The following FALEC variants were observed in gnomAD, a reference collection of about 807,000 sequenced individuals.
FALEC encodes the protein focally amplified lncRNA regulator of ECM1, also known as focally amplified lncRNA on chromosome 1.
At chr1:150,527,005 G>C in the FALEC span, among the ~76,000 whole-genome samples, 2 of 149,634 alleles carry the variant, frequency 1.3e-5, no homozygotes, top group African/African-American at 4.9e-5. Flanking sequence ...GTGCGATCTC[G>C]GCTTACTGCA....
chr1:150,533,431 T>C, the FALEC span, among the ~76,000 whole-genome samples: 2 of 85,412 alleles, frequency 2.3e-5, no homozygotes, highest in Non-Finnish European at 2.4e-5. Context: ...GAACCAGAGC[T>C]TTTTTTTTTT....
the FALEC span, among the ~76,000 whole-genome samples, chr1:150,528,070 C>T: frequency 6.6e-6 from 1 of 152,036 alleles, no homozygotes; most frequent in Admixed American, 6.6e-5. Flanking sequence ...TCTTCCTCTT[C>T]GCCTATCCGG....
At chr1:150,518,074 G>C (rs1025776839), downstream of FALEC, 1 of 152,160 alleles carries the variant, frequency 6.6e-6, no homozygotes, top group Non-Finnish European at 1.5e-5. Flanking sequence ...AATTCTTCTA[G>C]GTATATGGAA....
chr1:150,518,014 A>C (rs1398155667), exon 2 of FALEC: 2 of 152,222 alleles, frequency 1.3e-5, no homozygotes, highest in African/African-American at 4.8e-5. Context: ...AGCCTATTAC[A>C]CAGGACACTT....
chr1:150,529,104 A>G, the FALEC span, among the ~76,000 whole-genome samples: 1 of 151,528 alleles, frequency 6.6e-6, no homozygotes, highest in African/African-American at 2.4e-5. Context: ...GTGAATTGAA[A>G]TATGTGCAGC....
chr1:150,528,866 C>T, the FALEC span, among the ~76,000 whole-genome samples: 1 of 151,726 alleles, frequency 6.6e-6, no homozygotes, highest in East Asian at 1.9e-4. Context: ...GGATTACAGG[C>T]GTGAGCCACT....
chr1:150,521,483 GTGATA>G (rs1424903662), downstream of FALEC, among the ~76,000 whole-genome samples: 5 of 152,210 alleles, frequency 3.3e-5, no homozygotes, highest in Admixed American at 6.5e-5. Flanking sequence ...TAAACACCTT[GTGATA>G]TGTCAATTGA....
chr1:150,521,698 T>C (rs754069367), downstream of FALEC, among the ~76,000 whole-genome samples: 4 of 152,238 alleles, frequency 2.6e-5, no homozygotes, highest in Non-Finnish European at 5.9e-5. Context: ...AAGACTGTTA[T>C]GACCCCTCTG....
the FALEC span, among the ~76,000 whole-genome samples, chr1:150,529,016 C>CAAAAAAAAACAAAAAAAAAAAA: frequency 1.7e-5 from 1 of 59,292 alleles, no homozygotes; most frequent in African/African-American, 7.7e-5. Flanking sequence ...AAATAAATAG[C>CAAAAAAAAACAAAAAAAAAAAA]AAAAAAAAAA....
chr1:150,533,627 A>G, the FALEC span, among the ~76,000 whole-genome samples: 2 of 151,496 alleles, frequency 1.3e-5, no homozygotes, highest in Non-Finnish European at 2.9e-5. Context: ...AGTAGAGATG[A>G]GGTTTCGCCA....
At chr1:150,532,514 G>C in the FALEC span, among the ~76,000 whole-genome samples, 1 of 152,130 alleles carries the variant, frequency 6.6e-6, no homozygotes, top group African/African-American at 2.4e-5. Flanking sequence ...AGAGCAGGCC[G>C]GCCGGCAATA....
downstream of FALEC, among the ~76,000 whole-genome samples, chr1:150,518,474 C>CCCTGGGTTCAAGTGATTCT (rs1467155458): frequency 2.0e-5 from 3 of 151,528 alleles, no homozygotes; most frequent in South Asian, 6.3e-4. Context: ...AACCTGTGCC[C>CCCTGGGTTCAAGTGATTCT]CCTGGGTTCA....
chr1:150,530,095 G>A, the FALEC span, among the ~76,000 whole-genome samples: 3 of 152,116 alleles, frequency 2.0e-5, no homozygotes, highest in South Asian at 6.2e-4. Context: ...TATTGACAAG[G>A]GGCAGTGTGG....
At chr1:150,516,514 C>G (rs587704096) in intron 1 of FALEC, among the ~76,000 whole-genome samples, 1 of 152,322 alleles carries the variant, frequency 6.6e-6, no homozygotes, top group African/African-American at 2.4e-5. Flanking sequence ...TCCCTAGGGA[C>G]CAGCCAGCTA....
At chr1:150,526,221 G>A in the FALEC span, among the ~76,000 whole-genome samples, 1 of 151,944 alleles carries the variant, frequency 6.6e-6, no homozygotes, top group Non-Finnish European at 1.5e-5. Flanking sequence ...GCGGTAGCGG[G>A]CACCTGTAGT....
chr1:150,531,523 T>C, the FALEC span, among the ~76,000 whole-genome samples: 1 of 151,924 alleles, frequency 6.6e-6, no homozygotes, highest in East Asian at 1.9e-4. Context: ...GGTCACTTGC[T>C]GGGGAAACTA....
At chr1:150,524,583 A>G in the FALEC span, among the ~76,000 whole-genome samples, 1 of 152,240 alleles carries the variant, frequency 6.6e-6, no homozygotes, top group Non-Finnish European at 1.5e-5. Flanking sequence ...AAGATGGACA[A>G]AAGATTTGAA....
the FALEC span, among the ~76,000 whole-genome samples, chr1:150,532,255 G>A: frequency 6.6e-6 from 1 of 152,214 alleles, no homozygotes; most frequent in African/African-American, 2.4e-5. Flanking sequence ...ACAAGACCCA[G>A]GAACGAAAGC....
At chr1:150,533,830 G>A in the FALEC span, among the ~76,000 whole-genome samples, 111 of 152,270 alleles carry the variant, frequency 7.3e-4, no homozygotes, top group African/African-American at 2.5e-3. Context: ...GATAGAAAAA[G>A]GTGAATAATG....
Sources: gnomAD v4.1 joint callset for allele counts (sites outside exome capture counted in the v4.1 genomes callset) on GRCh38, gnomAD v4.1.1 for gene constraint, MANE v1.5 for transcripts, NCBI Gene and HGNC (gene_info 2026-07-23, HGNC 2026-07-21) for gene names.